The following PRKCQ variants were observed in gnomAD, a reference collection of about 807,000 sequenced individuals.
PRKCQ encodes protein kinase C theta.
A neutral mutation model predicts 91.2 loss-of-function variants in PRKCQ; 41 were observed. The observed-to-expected ratio is 0.45, with a 90% CI of 0.35 to 0.58. PRKCQ has a LOEUF of 0.58. PRKCQ is among the 20% of genes least tolerant of loss of function. PRKCQ has a pLI of 0.00. For synonymous variants in PRKCQ, 307 were observed against 316.9 expected (o/e 0.97, Z 0.33); for missense variants, 673 against 896.5 (o/e 0.75, Z 3.18).
chr10:6,537,032 C>A (rs1839608889), intron 1 of PRKCQ, among the ~76,000 whole-genome samples: 1 of 152,156 alleles, frequency 6.6e-6, no homozygotes, highest in South Asian at 2.1e-4. Context: ...GACGATGGAA[C>A]AATTTGACAA....
chr10:6,459,234 C>T (rs969968539), intron 14 of PRKCQ, among the ~76,000 whole-genome samples: 13 of 152,156 alleles, frequency 8.5e-5, no homozygotes, highest in Non-Finnish European at 1.6e-4. Context: ...AGCTCTTGCA[C>T]TTTTAATTGG....
chr10:6,432,615 C>T (rs1467732280), intron 16 of PRKCQ, among the ~76,000 whole-genome samples: 1 of 152,142 alleles, frequency 6.6e-6, no homozygotes, highest in Non-Finnish European at 1.5e-5. Flanking sequence ...TGACTACCCA[C>T]GTCGCCTTGG....
rs537387480 is a variant in PRKCQ at position 6,534,536 on chromosome 10, T to C, written c.-9-19392A>G. ...TACAAGCTTTATAGAAGGAAATGTG[T>C]ATTAAATGACTTTAAAGTGATAAGG... On this transcript the variant is annotated intron_variant, in intron 1 of 17. Transcript: ENST00000263125. Among the ~76,000 whole-genome samples the C allele has an allele frequency of 5.9e-5, 9 of 152,146 alleles. No homozygotes were observed. The East Asian group carries it at 1.5e-3, about 26-fold the overall frequency.
At chr10:6,550,028 A>G (rs2130932593) in intron 1 of PRKCQ, among the ~76,000 whole-genome samples, 1 of 152,240 alleles carries the variant, frequency 6.6e-6, no homozygotes, top group South Asian at 2.1e-4. Context: ...TACATCTTGC[A>G]AGTCTGAAAT....
At chr10:6,560,359 C>G (rs543789570) in intron 1 of PRKCQ, among the ~76,000 whole-genome samples, 8 of 152,232 alleles carry the variant, frequency 5.3e-5, no homozygotes, top group Admixed American at 2.0e-4. Flanking sequence ...CCTTGATTTG[C>G]TGGGAAGCCT....
intron 15 of PRKCQ, among the ~76,000 whole-genome samples, chr10:6,443,185 G>T (rs112555006): frequency 6.6e-6 from 1 of 152,172 alleles, no homozygotes; most frequent in South Asian, 2.1e-4. Flanking sequence ...TTTGGACATT[G>T]GAAGGTAGAG....
intron 8 of PRKCQ, among the ~76,000 whole-genome samples, chr10:6,490,951 GT>G (rs2130801334): frequency 1.3e-5 from 2 of 151,612 alleles, no homozygotes; most frequent in South Asian, 4.2e-4. Flanking sequence ...GCTTCTAAAC[GT>G]TATCGCCTTA....
chr10:6,579,468 G>C (rs1465719772), intron 1 of PRKCQ, among the ~76,000 whole-genome samples: 1 of 152,040 alleles, frequency 6.6e-6, no homozygotes, highest in East Asian at 1.9e-4. Flanking sequence ...CTCTCTTCAT[G>C]CCCACGGGGG....
At chr10:6,412,849 T>C in the PRKCQ span, among the ~76,000 whole-genome samples, 69 of 152,388 alleles carry the variant, frequency 4.5e-4, no homozygotes, top group East Asian at 0.012. Flanking sequence ...AGGTACAGCC[T>C]GGTATTGTCA....
chr10:6,547,319 A>G (rs1840000813), intron 1 of PRKCQ, among the ~76,000 whole-genome samples: 1 of 151,942 alleles, frequency 6.6e-6, no homozygotes, highest in Admixed American at 6.5e-5. Context: ...AAGGTAATTT[A>G]TAGATTCAAT....
the PRKCQ span, among the ~76,000 whole-genome samples, chr10:6,400,529 C>G: frequency 6.6e-6 from 1 of 151,690 alleles, no homozygotes; most frequent in African/African-American, 2.4e-5. Flanking sequence ...ACAGCGAGAG[C>G]TGGATCTCTC....
rs967275506 is a variant in PRKCQ at position 6,571,076 on chromosome 10, G to A, written c.-10+9135C>T. 9.2e-5 allele frequency among the ~76,000 whole-genome samples: 14 copies of A among 152,174 alleles called. 1 individual carries two copies. Among genetic ancestry groups the A allele is most frequent in the Admixed American group, 3.3e-4 (5 of 15,274 alleles). On this transcript the variant is annotated intron_variant, in intron 1 of 17. Coordinates refer to ENST00000263125, the MANE Select transcript of PRKCQ (RefSeq NM_006257.5). Reference sequence around the variant, plus strand: ...GCTGCCGTGGGAAGGAAGATCATTGGCCAGGGAAACGTCTGGGAGCTGGGG... The same window carrying A: ...GCTGCCGTGGGAAGGAAGATCATTGACCAGGGAAACGTCTGGGAGCTGGGG...
intron 7 of PRKCQ, among the ~76,000 whole-genome samples, chr10:6,496,819 C>A (rs1837636862): frequency 6.6e-6 from 1 of 152,078 alleles, no homozygotes; most frequent in Non-Finnish European, 1.5e-5. Flanking sequence ...GGATTACAGG[C>A]TTATGCCACC....
At chr10:6,479,767 T>TAAAAAAAAAA (rs34610362) in intron 11 of PRKCQ, among the ~76,000 whole-genome samples, 5 of 38,992 alleles carry the variant, frequency 1.3e-4, no homozygotes, top group Admixed American at 4.2e-4. Flanking sequence ...CCGTCTCGAC[T>TAAAAAAAAAA]AAAAAAAAAA....
chr10:6,580,274 ACTGCGCGGGGACTGGCGGGG>A (rs762751962), exon 1 of PRKCQ: 76,368 of 133,088 alleles, frequency 0.57, 23,009 homozygotes, highest in Middle Eastern at 0.72. Flanking sequence ...CTGCGCGGGG[ACTGCGCGGGGACTGGCGGGG>A]CTGGCGGGGC....
intron 1 of PRKCQ, among the ~76,000 whole-genome samples, chr10:6,555,590 T>C (rs977206051): frequency 2.0e-5 from 3 of 152,168 alleles, no homozygotes; most frequent in African/African-American, 7.2e-5. Flanking sequence ...AAGTAGGATT[T>C]AGAGAGGTTC....
At chr10:6,527,725 CA>C (rs1472042257) in intron 1 of PRKCQ, among the ~76,000 whole-genome samples, 3 of 152,128 alleles carry the variant, frequency 2.0e-5, no homozygotes, top group African/African-American at 7.2e-5. Flanking sequence ...CCCACAATGA[CA>C]AAAGGCCCCG....
intron 1 of PRKCQ, among the ~76,000 whole-genome samples, chr10:6,536,637 T>G (rs528358741): frequency 1.3e-5 from 2 of 152,330 alleles, no homozygotes; most frequent in African/African-American, 4.8e-5. Context: ...CTCCCTGTTC[T>G]TCTCCCAGGC....
the PRKCQ span, among the ~76,000 whole-genome samples, chr10:6,403,972 A>G: frequency 8.5e-5 from 13 of 152,274 alleles, no homozygotes; most frequent in Middle Eastern, 0.014. Flanking sequence ...ATGGTGACAG[A>G]TAAGACATTA....
Sources: gnomAD v4.1 joint callset for allele counts (sites outside exome capture counted in the v4.1 genomes callset) on GRCh38, gnomAD v4.1.1 for gene constraint, MANE v1.5 for transcripts, NCBI Gene and HGNC (gene_info 2026-07-23, HGNC 2026-07-21) for gene names.